The following CTNNA2 variants were observed in gnomAD, a reference collection of about 807,000 sequenced individuals.
CTNNA2 encodes catenin alpha 2.
CTNNA2 carries 42 observed loss-of-function variants against 101.0 expected under a neutral mutation model. That is an observed-to-expected ratio of 0.42 (90% confidence interval 0.32 to 0.54). The LOEUF (loss-of-function observed/expected upper bound fraction) is 0.54. Ranked by LOEUF, CTNNA2 falls within the 20% of genes least tolerant of loss-of-function variation. The pLI, the probability that CTNNA2 is intolerant of heterozygous loss-of-function variation, is 0.14. For synonymous variants in CTNNA2, 450 were observed against 456.4 expected (o/e 0.99, Z 0.18); for missense variants, 871 against 1,223.1 (o/e 0.71, Z 4.29).
At chr2:79,338,258 T>A (rs1416644074) in intron 3 of CTNNA2, among the ~76,000 whole-genome samples, 34 of 46,046 alleles carry the variant, frequency 7.4e-4, no homozygotes, top group Non-Finnish European at 1.0e-3. Context: ...AAAAAAAAAA[T>A]TGGTAGTCAG....
At chr2:79,371,928 A>G (rs1443842008) in intron 3 of CTNNA2, among the ~76,000 whole-genome samples, 1 of 152,188 alleles carries the variant, frequency 6.6e-6, no homozygotes, top group African/African-American at 2.4e-5. Flanking sequence ...AATCCCCGGT[A>G]TAACTTGTCA....
chr2:79,463,521 T>C (rs1354205196), intron 4 of CTNNA2, among the ~76,000 whole-genome samples: 1 of 152,138 alleles, frequency 6.6e-6, no homozygotes, highest in Non-Finnish European at 1.5e-5. Flanking sequence ...ATATATGGTG[T>C]TTAACTTCTG....
chr2:79,714,734 A>G (rs6754317), intron 2 of CTNNA2, among the ~76,000 whole-genome samples: 18,768 of 152,188 alleles, frequency 0.12, 1,574 homozygotes, highest in African/African-American at 0.24. Flanking sequence ...ACAGGATGAC[A>G]TCTGAATTGT....
At chr2:79,813,002 C>T (rs1445091215) in intron 3 of CTNNA2, among the ~76,000 whole-genome samples, 1 of 152,126 alleles carries the variant, frequency 6.6e-6, no homozygotes, top group Non-Finnish European at 1.5e-5. Flanking sequence ...TGAGTTTACA[C>T]CTTGTTACCA....
intron 7 of CTNNA2, among the ~76,000 whole-genome samples, chr2:79,967,223 T>C (rs60208065): frequency 0.25 from 38,170 of 151,888 alleles, 5,738 homozygotes; most frequent in African/African-American, 0.43. Flanking sequence ...TCATTGTTTT[T>C]TGAATCAAGA....
At chr2:79,340,974 T>A (rs1384677760) in intron 3 of CTNNA2, among the ~76,000 whole-genome samples, 4 of 151,014 alleles carry the variant, frequency 2.6e-5, no homozygotes, top group Non-Finnish European at 5.9e-5. Flanking sequence ...ATACATTGAG[T>A]GATAAATATT....
intron 9 of CTNNA2, among the ~76,000 whole-genome samples, chr2:80,534,140 T>G (rs1284377462): frequency 6.6e-6 from 1 of 152,144 alleles, no homozygotes; most frequent in Non-Finnish European, 1.5e-5. Context: ...GCTAGTGGTG[T>G]GTGTATCCCT....
chr2:80,503,138 A>T (rs1472294474), intron 9 of CTNNA2, among the ~76,000 whole-genome samples: 1 of 152,108 alleles, frequency 6.6e-6, no homozygotes, highest in Non-Finnish European at 1.5e-5. Context: ...GTGCCACTGC[A>T]CTCCAACCTA....
At chr2:80,017,177 A>C (rs1380786765) in intron 7 of CTNNA2, among the ~76,000 whole-genome samples, 3 of 152,140 alleles carry the variant, frequency 2.0e-5, no homozygotes, top group Non-Finnish European at 4.4e-5. Context: ...GCCCCCTTCT[A>C]GAGTGTAAAC....
chr2:79,415,663 A>G (rs932287219), intron 4 of CTNNA2, among the ~76,000 whole-genome samples: 3 of 152,092 alleles, frequency 2.0e-5, no homozygotes, highest in Non-Finnish European at 2.9e-5. Context: ...CTTCTTATTG[A>G]AGAAATCCTT....
intron 7 of CTNNA2, among the ~76,000 whole-genome samples, chr2:80,272,444 T>C (rs927080812): frequency 6.6e-6 from 1 of 152,230 alleles, no homozygotes; most frequent in Non-Finnish European, 1.5e-5. Context: ...AATCTTTCTA[T>C]GTTTATTTCC....
At chr2:79,301,853 C>A (rs1676117206) in intron 2 of CTNNA2, among the ~76,000 whole-genome samples, 1 of 151,952 alleles carries the variant, frequency 6.6e-6, no homozygotes, top group Admixed American at 6.6e-5. Flanking sequence ...CTTTGGGAGG[C>A]TGAGGCGGGT....
At chr2:80,222,750 A>T (rs1484114586) in intron 7 of CTNNA2, among the ~76,000 whole-genome samples, 2 of 152,222 alleles carry the variant, frequency 1.3e-5, no homozygotes, top group African/African-American at 4.8e-5. Flanking sequence ...TCAGGCAGTG[A>T]TAACTTTATG....
In CTNNA2 at chr2:79,742,753, A is replaced by C. The variant is rs540587210; in HGVS notation, c.103-1634A>C. Among the ~76,000 whole-genome samples the C allele has an allele frequency of 3.3e-5, 5 of 152,244 alleles. No homozygotes were observed. The East Asian group carries it at 9.7e-4, about 29-fold the overall frequency. ...CTATTATCTGATATTCTTATAGTTAATGATTTTGCCATTTTTTTGGCTAGT... is the reference window on the plus strand; with the variant it reads ...CTATTATCTGATATTCTTATAGTTACTGATTTTGCCATTTTTTTGGCTAGT... On this transcript the variant is annotated intron_variant, in intron 2 of 18. Transcript: ENST00000402739.
chr2:79,343,251 A>G (rs182801081), intron 3 of CTNNA2, among the ~76,000 whole-genome samples: 227 of 152,336 alleles, frequency 1.5e-3, no homozygotes, highest in Non-Finnish European at 2.4e-3. Flanking sequence ...ATTAATGAAG[A>G]AAAATTGGGT....
intron 1 of CTNNA2, among the ~76,000 whole-genome samples, chr2:79,563,237 C>G (rs2104147516): frequency 6.8e-6 from 1 of 148,100 alleles, no homozygotes; most frequent in African/African-American, 2.5e-5. Flanking sequence ...GCATATGATA[C>G]ATTTATAAAT....
intron 4 of CTNNA2, among the ~76,000 whole-genome samples, chr2:79,492,079 G>C (rs1354381609): frequency 6.6e-6 from 1 of 152,142 alleles, no homozygotes; most frequent in Non-Finnish European, 1.5e-5. Flanking sequence ...AAATCATGTA[G>C]TAATATTTTG....
At chr2:80,139,626 G>C (rs1702888903) in intron 7 of CTNNA2, among the ~76,000 whole-genome samples, 1 of 151,914 alleles carries the variant, frequency 6.6e-6, no homozygotes. Flanking sequence ...TATTACCAAA[G>C]GGAACACACT....
chr2:80,564,437 T>G (rs902076991), intron 12 of CTNNA2, among the ~76,000 whole-genome samples: 1 of 152,072 alleles, frequency 6.6e-6, no homozygotes, highest in Non-Finnish European at 1.5e-5. Flanking sequence ...GAAAAGGAAT[T>G]TGTGTCTAGA....
Sources: gnomAD v4.1 joint callset for allele counts (sites outside exome capture counted in the v4.1 genomes callset) on GRCh38, gnomAD v4.1.1 for gene constraint, MANE v1.5 for transcripts, NCBI Gene and HGNC (gene_info 2026-07-23, HGNC 2026-07-21) for gene names.